FOXP1: variants seen among roughly 807,000 people sequenced by gnomAD.
The protein encoded by FOXP1 is forkhead box protein P1.
A neutral mutation model predicts 98.2 loss-of-function variants in FOXP1; 15 were observed. The ratio of observed to expected loss-of-function variants is 0.15; its 90% CI spans 0.10 to 0.24. The LOEUF (loss-of-function observed/expected upper bound fraction) is 0.24. Among genes scored for constraint, FOXP1 ranks in the 10% least tolerant of loss-of-function variants. The pLI is 1.00. For missense variants in FOXP1, 633 were observed against 848.5 expected (o/e 0.75, Z 3.15); for synonymous variants, 371 against 314.5 (o/e 1.18, Z -1.90).
chr3:70,962,646 A>G (rs549993208), intron 20 of FOXP1, among the ~76,000 whole-genome samples: 1 of 152,298 alleles, frequency 6.6e-6, no homozygotes, highest in East Asian at 1.9e-4. Flanking sequence ...TTTTAGCTAT[A>G]TGCTGATTGA....
At chr3:70,980,461 A>AATAG (rs2038639785) in intron 14 of FOXP1, among the ~76,000 whole-genome samples, 1 of 152,182 alleles carries the variant, frequency 6.6e-6, no homozygotes, top group Non-Finnish European at 1.5e-5. Context: ...TACCACCACT[A>AATAG]ATATCTGAGA....
At chr3:71,140,375 G>A (rs2060010536) in intron 6 of FOXP1, among the ~76,000 whole-genome samples, 1 of 152,096 alleles carries the variant, frequency 6.6e-6, no homozygotes, top group Non-Finnish European at 1.5e-5. Context: ...GGAATTTTTC[G>A]CTTGTGGTAT....
chr3:71,149,503 G>A (rs531892477), intron 6 of FOXP1, among the ~76,000 whole-genome samples: 4 of 152,038 alleles, frequency 2.6e-5, no homozygotes, highest in Non-Finnish European at 4.4e-5. Flanking sequence ...CCTACAGAAG[G>A]CCCAATGAAA....
At chr3:71,071,083 A>T (rs1347381283) in intron 7 of FOXP1, among the ~76,000 whole-genome samples, 1 of 152,152 alleles carries the variant, frequency 6.6e-6, no homozygotes, top group African/African-American at 2.4e-5. Context: ...TTCTTTCCCT[A>T]ATAGTCACCA....
chr3:71,431,415 C>A (rs9809818), intron 3 of FOXP1, among the ~76,000 whole-genome samples: 133,025 of 152,192 alleles, frequency 0.87, 60,117 homozygotes, highest in African/African-American at 0.97. Flanking sequence ...AAGAGCTGGC[C>A]TGGATGACTC....
intron 6 of FOXP1, among the ~76,000 whole-genome samples, chr3:71,155,726 C>T (rs2060787492): frequency 6.6e-6 from 1 of 152,248 alleles, no homozygotes; most frequent in Non-Finnish European, 1.5e-5. Flanking sequence ...TCTAACATCA[C>T]ATTCTTAGTT....
chr3:71,150,528 C>G (rs138724662), intron 6 of FOXP1, among the ~76,000 whole-genome samples: 2 of 152,104 alleles, frequency 1.3e-5, no homozygotes, highest in South Asian at 2.1e-4. Flanking sequence ...TCTTACTCAT[C>G]GAGACCTTTT....
chr3:71,370,786 GTTTT>G lies in FOXP1; in HGVS notation c.-167-11546_-167-11543del, dbSNP rs1219667896. Among the ~76,000 whole-genome samples, 5 of 135,988 alleles carry G rather than the reference GTTTT, an allele frequency of 3.7e-5. No homozygotes were observed. The Admixed American group carries it at 4.2e-4, about 12-fold the overall frequency. The allele number at this position is 135,988 out of a possible 152,430, so 89.2% of individuals were successfully genotyped here. On this transcript the variant is annotated intron_variant, in intron 3 of 20. Transcript: ENST00000649528. ...CACATTGCTAGGTCCCAACCCTAGA[GTTTT>G]TTTTGTTGTTTTTTTTTTTTTTTTT...
intron 11 of FOXP1, among the ~76,000 whole-genome samples, chr3:71,036,904 T>A (rs189356870): frequency 3.3e-5 from 5 of 152,346 alleles, no homozygotes; most frequent in African/African-American, 1.2e-4. Flanking sequence ...ATTTAAAGTA[T>A]CTTTTAGGGA....
At chr3:71,553,259 A>G (rs541154736) in intron 2 of FOXP1, among the ~76,000 whole-genome samples, 1 of 152,282 alleles carries the variant, frequency 6.6e-6, no homozygotes, top group Non-Finnish European at 1.5e-5. Context: ...TCTATTCTGA[A>G]TATCTTTGAC....
chr3:70,974,308 T>C (rs28454124), intron 17 of FOXP1, among the ~76,000 whole-genome samples: 3 of 151,966 alleles, frequency 2.0e-5, no homozygotes, highest in African/African-American at 4.8e-5. Context: ...TTTTTTTTTT[T>C]CTTTTTTTGA....
At chr3:70,977,614 G>C (rs1467497963) in intron 16 of FOXP1, 29 bp downstream of exon 16, 1 of 1,555,856 alleles carries the variant, frequency 6.4e-7, no homozygotes, top group Non-Finnish European at 8.9e-7. Context: ...CCTTCTGACA[G>C]AATTTCATAT....
intron 3 of FOXP1, among the ~76,000 whole-genome samples, chr3:71,390,272 C>A (rs1252982602): frequency 6.6e-6 from 1 of 152,132 alleles, no homozygotes; most frequent in Non-Finnish European, 1.5e-5. Context: ...AGCCAAGGGA[C>A]TTTTCAGAAA....
intron 5 of FOXP1, among the ~76,000 whole-genome samples, chr3:71,245,884 A>G (rs1357855240): frequency 6.6e-6 from 1 of 151,024 alleles, no homozygotes; most frequent in African/African-American, 2.4e-5. Context: ...AATAAAAAAT[A>G]TTATGAAGAA....
intron 14 of FOXP1, among the ~76,000 whole-genome samples, chr3:70,985,271 G>C (rs2039538355): frequency 6.6e-6 from 1 of 152,124 alleles, no homozygotes; most frequent in Non-Finnish European, 1.5e-5. Flanking sequence ...ATTTAGGGCG[G>C]AATAAATTAA....
intron 7 of FOXP1, among the ~76,000 whole-genome samples, chr3:71,099,138 T>TA: frequency 6.6e-6 from 1 of 152,322 alleles, no homozygotes; most frequent in South Asian, 2.1e-4. Context: ...ATTACACAGC[T>TA]AAAACACGCA....
At chr3:71,469,942 G>T (rs1360100819) in intron 3 of FOXP1, among the ~76,000 whole-genome samples, 1 of 152,074 alleles carries the variant, frequency 6.6e-6, no homozygotes, top group Admixed American at 6.6e-5. Flanking sequence ...GACAGAAATG[G>T]CCTCATGTGG....
At chr3:71,569,720 TAC>T (rs2047186246) in intron 2 of FOXP1, among the ~76,000 whole-genome samples, 1 of 151,904 alleles carries the variant, frequency 6.6e-6, no homozygotes, top group African/African-American at 2.4e-5. Flanking sequence ...TGTATGTAAA[TAC>T]AGTTATGGAT....
intron 14 of FOXP1, among the ~76,000 whole-genome samples, chr3:70,981,416 C>G (rs1453059419): frequency 4.6e-5 from 7 of 152,040 alleles, no homozygotes; most frequent in Non-Finnish European, 7.3e-5. Context: ...TAATAAGCCA[C>G]AGAGGAAGCA....
Sources: allele counts gnomAD v4.1 joint callset (sites outside exome capture counted in the v4.1 genomes callset), GRCh38; gene constraint gnomAD v4.1.1; transcripts MANE v1.5; gene names NCBI Gene and HGNC (gene_info 2026-07-23, HGNC 2026-07-21).